NBEAL1: variants seen among roughly 807,000 people sequenced by gnomAD.
The protein encoded by NBEAL1 is neurobeachin like 1, also known as neurobeachin-like protein 1.
In NBEAL1, 273 loss-of-function variants were observed where a neutral mutation model predicts 351.3. That is an observed-to-expected ratio of 0.78 (90% CI 0.70 to 0.86). The LOEUF (loss-of-function observed/expected upper bound fraction) is 0.86, where lower values mean the gene tolerates loss of function less well. Among genes scored for constraint, NBEAL1 ranks in the 40% least tolerant of loss-of-function variants. The pLI is 0.00. For missense variants in NBEAL1, 2,961 were observed against 3,201.3 expected, an observed-to-expected ratio of 0.92 and a Z score of 1.81; for synonymous variants, 1,050 against 1,086.4, an observed-to-expected ratio of 0.97 and a Z score of 0.66.
chr2:203,207,093 C>A (rs1270342317), intron 51 of NBEAL1, among the ~76,000 whole-genome samples: 1 of 148,312 alleles, frequency 6.7e-6, no homozygotes, highest in African/African-American at 2.4e-5. Context: ...ATGTGAGGAG[C>A]GTCTCTGCCC....
intron 8 of NBEAL1, 31 bp from the exon 9 acceptor site, chr2:203,083,188 G>C: frequency 6.6e-7 from 1 of 1,513,664 alleles, no homozygotes; most frequent in South Asian, 1.3e-5. Flanking sequence ...ATTAGGTTTA[G>C]GTTTCATTTT....
intron 35 of NBEAL1, among the ~76,000 whole-genome samples, chr2:203,157,106 G>A (rs1188620938): frequency 3.9e-5 from 6 of 152,038 alleles, no homozygotes; most frequent in Admixed American, 1.3e-4. Context: ...TTTGAGTCTA[G>A]GTTCACCACT....
rs976157663 is a variant in NBEAL1, at chr2:203,189,955, G to A, written c.6824-337G>A. Among the ~76,000 whole-genome samples, 13 of 151,804 alleles carry A rather than the reference G, an allele frequency of 8.6e-5. 1 individual carries two copies. The highest frequency in any genetic ancestry group is 4.6e-4 in the Admixed American group (7 of 15,208). On this transcript the variant is annotated intron_variant, in intron 45 of 55. Coordinates refer to ENST00000683969, the MANE Select transcript of NBEAL1 (RefSeq NM_001378026.1). ...GTTCAAGACCAGCCTGGCCAACATA[G>A]TGAAACCCCGTCTCTACTAAAAGTA...
intron 44 of NBEAL1, among the ~76,000 whole-genome samples, chr2:203,185,740 C>T (rs2064879327): frequency 6.6e-6 from 1 of 152,176 alleles, no homozygotes; most frequent in African/African-American, 2.4e-5. Context: ...GATATCTCCT[C>T]TCCAACTGGG....
chr2:203,041,884 CT>C, intron 3 of NBEAL1, 28 bp downstream of exon 3: 1 of 1,448,028 alleles, frequency 6.9e-7, no homozygotes, highest in Non-Finnish European at 9.5e-7. Flanking sequence ...TTTGTAACCC[CT>C]GGATGAGTTT....
intron 37 of NBEAL1, among the ~76,000 whole-genome samples, 159 bp downstream of exon 37, chr2:203,166,456 G>A (rs1295134969): frequency 6.6e-6 from 1 of 152,218 alleles, no homozygotes; most frequent in Non-Finnish European, 1.5e-5. Context: ...CCAAGGTGTG[G>A]AAGGGAATGC....
chr2:203,193,826 A>C lies in NBEAL1; in HGVS notation c.6953A>C (p.Glu2318Ala), dbSNP rs765310264. Residue 2318 changes from glutamate (E) to alanine (A), a missense_variant, in exon 47 of 56, where the codon GAA (glutamate) becomes GCA (alanine). Coordinates refer to ENST00000683969, the MANE Select transcript of NBEAL1 (RefSeq NM_001378026.1). The stretch of plus-strand genomic sequence containing the variant: ...CACCCTCCAAGATTATCAGCAGAAG[A>C]AGCAGTGCAGAAGCCAACCAAAATA... ...EPHPPRLSAE[E>A]AVQKPTKIDT... is the part of the protein sequence containing the mutation. 23 of 1,612,170 alleles carry C rather than the reference A, an allele frequency of 1.4e-5. No individual in the cohort carries two copies. The highest frequency in any genetic ancestry group is 6.7e-5 in the Admixed American group (4 of 59,832).
intron 6 of NBEAL1, among the ~76,000 whole-genome samples, chr2:203,060,488 T>C (rs2106104555): frequency 6.6e-6 from 1 of 152,190 alleles, no homozygotes; most frequent in South Asian, 2.1e-4. Flanking sequence ...ACTTTAAAAA[T>C]TACATAAAAA....
At chr2:203,205,372 C>T (rs2065524203) in intron 51 of NBEAL1, among the ~76,000 whole-genome samples, 1 of 151,996 alleles carries the variant, frequency 6.6e-6, no homozygotes, top group Admixed American at 6.6e-5. Flanking sequence ...TGTGTATTTT[C>T]TGAGAACAAA....
chr2:203,128,797 C>T (rs978290252), intron 24 of NBEAL1, among the ~76,000 whole-genome samples: 1 of 151,852 alleles, frequency 6.6e-6, no homozygotes, highest in Non-Finnish European at 1.5e-5. Context: ...GGGGTTTCAC[C>T]ATGTTGGCCA....
rs567040646 is a variant in NBEAL1, at chr2:203,026,867, G to A, written c.51+10432G>A. Reference sequence around the variant, plus strand: ...TATGCATTTTAAGTAGGTTCATTTGGAATCAGGTGTTCCACTTAATTTTCA... The same window carrying A: ...TATGCATTTTAAGTAGGTTCATTTGAAATCAGGTGTTCCACTTAATTTTCA... On this transcript the variant is annotated intron_variant, in intron 2 of 55. Transcript: ENST00000683969. Among the ~76,000 whole-genome samples, 4 of 152,208 alleles carry A rather than the reference G, an allele frequency of 2.6e-5. 1 individual carries two copies. Among genetic ancestry groups the A allele is most frequent in the African/African-American group, 7.2e-5 (3 of 41,526 alleles).
chr2:203,042,210 C>T (rs1162794617), intron 3 of NBEAL1, among the ~76,000 whole-genome samples: 1 of 152,256 alleles, frequency 6.6e-6, no homozygotes, highest in Non-Finnish European at 1.5e-5. Flanking sequence ...ATACTTCAGA[C>T]CAACTGGCTA....
intron 42 of NBEAL1, among the ~76,000 whole-genome samples, chr2:203,175,642 A>G (rs1361883833): frequency 6.6e-6 from 1 of 152,204 alleles, no homozygotes; most frequent in East Asian, 1.9e-4. Context: ...ATCATGAGGA[A>G]TGGAAGGAGG....
At chr2:203,214,649 C>A (rs1045160978) in intron 55 of NBEAL1, among the ~76,000 whole-genome samples, 20 of 152,100 alleles carry the variant, frequency 1.3e-4, no homozygotes, top group Admixed American at 9.8e-4. Flanking sequence ...GTGGCATATG[C>A]CAGTAATCCC....
chr2:203,039,268 TCCC>T (rs2061092810), intron 2 of NBEAL1, among the ~76,000 whole-genome samples: 2 of 50,518 alleles, frequency 4.0e-5, no homozygotes, highest in African/African-American at 1.6e-4. Context: ...TCCCTTCCCT[TCCC>T]TTCCCTTCCC....
chr2:203,166,388 A>G (rs1271056931), intron 37 of NBEAL1, 91 bp downstream of exon 37: 5 of 1,206,726 alleles, frequency 4.1e-6, no homozygotes, highest in East Asian at 5.3e-5. Context: ...GCAGTAAGAT[A>G]TAACTATCAT....
intron 51 of NBEAL1, among the ~76,000 whole-genome samples, chr2:203,207,075 C>T (rs913960547): frequency 3.3e-5 from 5 of 151,702 alleles, no homozygotes; most frequent in South Asian, 2.1e-4. Flanking sequence ...CCTGTCGCCC[C>T]GTCCGGGATG....
intron 5 of NBEAL1, 109 bp downstream of exon 5, chr2:203,056,617 A>T: frequency 1.5e-6 from 1 of 688,660 alleles, no homozygotes; most frequent in South Asian, 1.6e-5. Context: ...CCCAGGCTGG[A>T]GTGCAATGGC....
chr2:203,067,005 C>T (rs542710222), intron 6 of NBEAL1, among the ~76,000 whole-genome samples: 231 of 137,372 alleles, frequency 1.7e-3, no homozygotes, highest in Non-Finnish European at 2.5e-3. Context: ...ACCTCCCAGA[C>T]GGGGCGGCCG....
Sources: gnomAD v4.1 joint callset for allele counts (sites outside exome capture counted in the v4.1 genomes callset) on GRCh38, gnomAD v4.1.1 for gene constraint, MANE v1.5 for transcripts, NCBI Gene and HGNC (gene_info 2026-07-23, HGNC 2026-07-21) for gene names.